Variants in WDR1 observed in about 807,000 individuals in gnomAD.
WDR1 encodes WD repeat-containing protein 1.
Under a neutral mutation model 71.9 loss-of-function variants are expected in WDR1, and 21 were observed. That is an observed-to-expected ratio of 0.29 (90% CI 0.21 to 0.42). The LOEUF (loss-of-function observed/expected upper bound fraction) is 0.42. Ranked by LOEUF, WDR1 falls within the 10% of genes least tolerant of loss-of-function variation. The probability of loss-of-function intolerance (pLI) is 1.00; values close to 1 mark genes in which losing one functional copy is unlikely to be tolerated. For missense variants in WDR1, 696 were observed against 824.5 expected, an observed-to-expected ratio of 0.84 and a Z score of 1.91; for synonymous variants, 424 against 347.4, an observed-to-expected ratio of 1.22 and a Z score of -2.45.
intron 9 of WDR1, among the ~76,000 whole-genome samples, chr4:10,083,454 T>A (rs1765092038): frequency 6.6e-6 from 1 of 152,110 alleles, no homozygotes; most frequent in Admixed American, 6.5e-5. Flanking sequence ...GGCTCCGGCG[T>A]CTCCTCTGCT....
intron 3 of WDR1, among the ~76,000 whole-genome samples, chr4:10,101,821 C>T (rs1381961997): frequency 6.6e-6 from 1 of 152,260 alleles, no homozygotes; most frequent in Non-Finnish European, 1.5e-5. Flanking sequence ...GAAGACACTT[C>T]TAAGAGCATT....
chr4:10,111,055 C>T (rs539933784), intron 2 of WDR1, among the ~76,000 whole-genome samples: 1 of 152,364 alleles, frequency 6.6e-6, no homozygotes, highest in African/African-American at 2.4e-5. Flanking sequence ...ACGCCGCCTT[C>T]ATCTTTGAGC....
intron 3 of WDR1, among the ~76,000 whole-genome samples, chr4:10,099,780 C>A (rs1712577108): frequency 6.6e-6 from 1 of 152,246 alleles, no homozygotes; most frequent in Admixed American, 6.5e-5. Context: ...ACACACCGAG[C>A]AGTTCCACGA....
chr4:10,078,164 C>G (rs1301434131), intron 12 of WDR1, among the ~76,000 whole-genome samples: 1 of 152,230 alleles, frequency 6.6e-6, no homozygotes, highest in Non-Finnish European at 1.5e-5. Context: ...GGCCCTCAAG[C>G]TGGCTGGTGG....
chr4:10,081,663 T>TG (rs57903680), intron 10 of WDR1, among the ~76,000 whole-genome samples: 19,343 of 72,856 alleles, frequency 0.27, 2,300 homozygotes, highest in South Asian at 0.39. Context: ...CGGGGAGGGG[T>TG]GGGGGGGGGG....
intron 6 of WDR1, 44 bp downstream of exon 6, chr4:10,088,620 G>A: frequency 6.6e-7 from 1 of 1,507,328 alleles, no homozygotes; most frequent in Middle Eastern, 1.7e-4. Flanking sequence ...ACGGGAGCAG[G>A]CAGACAAGCC....
At position 10,074,597 on chromosome 4, in the gene WDR1, A is replaced by C. The variant is rs1764723973; in HGVS notation, c.*781T>G. On this transcript the variant is annotated 3_prime_UTR_variant, in exon 15 of 15. Transcript: ENST00000499869. ...TAAATTAACCTTTGCTCTTGAGAGC[A>C]GAAGAGGGAAAGACAGGGGAACATC... 2 of 152,680 alleles carry C rather than the reference A, an allele frequency of 1.3e-5. No individual in the cohort carries two copies. Among genetic ancestry groups the C allele is most frequent in the Non-Finnish European group, 2.9e-5 (2 of 68,042 alleles). 9.5% of individuals were successfully genotyped at this position (152,680 alleles called of 1,614,324 possible).
Position 10,074,637 on chromosome 4 carries a change from A to T in WDR1, c.*741T>A, listed in dbSNP as rs1017306959. ...AGGGGAACATCAAAGCATGATGGTG[A>T]AACGGTGACCAGGACACCTCGGTCT... On this transcript the variant is annotated 3_prime_UTR_variant, in exon 15 of 15. Transcript: ENST00000499869. 2.6e-5 allele frequency: 4 copies of T among 152,680 alleles called. No individual in the cohort carries two copies. The highest frequency in any genetic ancestry group is 5.9e-5 in the Non-Finnish European group (4 of 68,046). 9.5% of individuals were successfully genotyped at this position (152,680 alleles called of 1,614,324 possible).
At position 10,088,157 on chromosome 4, in the gene WDR1, G is replaced by A; in HGVS notation, c.717+136C>T. The A allele has an allele frequency of 3.1e-6, 3 of 959,872 alleles. No individual in the cohort carries two copies. The South Asian group carries it at 4.3e-5, about 14-fold the overall frequency. The allele number at this position is 959,872 out of a possible 1,614,324, so 59.5% of individuals were successfully genotyped here. ...CTTATTGCGACCTTAAAGCTTTTCT[G>A]GGCAGATATAAAACCGCCCCGACTT... On this transcript the variant is annotated intron_variant, in intron 7 of 14. Coordinates refer to ENST00000499869, the MANE Select transcript of WDR1 (RefSeq NM_017491.5).
At chr4:10,100,448 C>G (rs540296831) in intron 3 of WDR1, among the ~76,000 whole-genome samples, 13 of 152,100 alleles carry the variant, frequency 8.5e-5, no homozygotes, top group Admixed American at 3.9e-4. Flanking sequence ...TCAGGTGGAA[C>G]GAGTCCACGA....
rs551065597 is a variant in WDR1, at chr4:10,110,242, G to A, written c.138+5871C>T. ...GGGCAGGGAGTGCCTGCCCATCACT[G>A]AGACGGCGAAGAGACGCACACAGGG... On this transcript the variant is annotated intron_variant, in intron 2 of 14. Transcript: ENST00000499869. Among the ~76,000 whole-genome samples the A allele has an allele frequency of 7.9e-5, 12 of 152,328 alleles. No individual in the cohort carries two copies. In the South Asian group the frequency reaches 2.1e-3, roughly 26 times the overall value.
intron 2 of WDR1, among the ~76,000 whole-genome samples, chr4:10,104,833 G>C (rs1356175402): frequency 6.6e-6 from 1 of 152,124 alleles, no homozygotes; most frequent in East Asian, 1.9e-4. Flanking sequence ...AGTGCTCTTT[G>C]AAAGAGGCAG....
intron 3 of WDR1, among the ~76,000 whole-genome samples, chr4:10,101,236 C>A (rs926200837): frequency 1.3e-5 from 2 of 152,216 alleles, no homozygotes; most frequent in African/African-American, 4.8e-5. Context: ...CCCAGAGTGC[C>A]GGAGGCTCCC....
intron 9 of WDR1, among the ~76,000 whole-genome samples, chr4:10,083,999 G>A (rs1347439793): frequency 2.6e-5 from 4 of 152,218 alleles, no homozygotes; most frequent in Non-Finnish European, 5.9e-5. Context: ...AGCTCTCTGG[G>A]CTCTGGTTTT....
chr4:10,116,362 T>C, intron 1 of WDR1, 128 bp from the exon 2 acceptor site: 1 of 1,382,564 alleles, frequency 7.2e-7, no homozygotes, highest in Non-Finnish European at 9.9e-7. Context: ...CGGCCTCCAC[T>C]TTCCACGAGC....
rs756485878 is a variant in WDR1, at chr4:10,084,468, G to A, written c.1014C>T (p.Tyr338=). 6.2e-7 allele frequency: 1 copy of A among 1,613,916 alleles called. No individual in the cohort carries two copies. The highest frequency in any genetic ancestry group is 1.7e-5 in the Admixed American group (1 of 60,026). The change falls in exon 9 of 15, where the codon TAC becomes TAT. Residue 338 remains tyrosine, a synonymous_variant. Transcript: ENST00000499869. ...VHKNGGKSYI[Y]SGSHDGHINY... ...TAATGTGTCCGTCGTGGCTCCCAGA[G>A]TAAATGTAGGACTTGCCGCCGTTTT...
intron 3 of WDR1, among the ~76,000 whole-genome samples, chr4:10,103,362 C>T (rs534718402): frequency 9.2e-5 from 14 of 152,016 alleles, no homozygotes; most frequent in Admixed American, 2.6e-4. Context: ...CATGGCTTCC[C>T]GCAAAAGGTC....
intron 5 of WDR1, chr4:10,093,087 A>T: frequency 7.8e-7 from 1 of 1,289,402 alleles, no homozygotes; most frequent in Non-Finnish European, 1.0e-6. Flanking sequence ...ATAATTAAGT[A>T]CCACACCCAT....
intron 3 of WDR1, among the ~76,000 whole-genome samples, chr4:10,100,558 G>A (rs993893511): frequency 1.7e-4 from 26 of 152,212 alleles, no homozygotes; most frequent in African/African-American, 5.8e-4. Context: ...GGAGATGCAC[G>A]TAAGGACTGT....
Sources: gnomAD v4.1 joint callset for allele counts (sites outside exome capture counted in the v4.1 genomes callset) on GRCh38, gnomAD v4.1.1 for gene constraint, MANE v1.5 for transcripts, NCBI Gene and HGNC (gene_info 2026-07-23, HGNC 2026-07-21) for gene names.